GPC5: variants seen among roughly 807,000 people sequenced by gnomAD.
GPC5 encodes glypican-5.
In GPC5, 47 loss-of-function variants were observed where a neutral mutation model predicts 53.9. The ratio of observed to expected loss-of-function variants is 0.87; its 90% CI spans 0.69 to 1.11. The LOEUF is 1.11. Among genes scored for constraint, GPC5 ranks in the 50% most tolerant of loss-of-function variants. The pLI is 0.00. For synonymous variants in GPC5, 286 were observed against 263.3 expected, an observed-to-expected ratio of 1.09 and a Z score of -0.84; for missense variants, 748 against 713.1, an observed-to-expected ratio of 1.05 and a Z score of -0.56.
chr13:92,089,501 A>G (rs560316631), intron 6 of GPC5, among the ~76,000 whole-genome samples: 2 of 128,016 alleles, frequency 1.6e-5, no homozygotes, highest in South Asian at 4.9e-4. Flanking sequence ...TATTTCCCAC[A>G]CGGTTTTTTT....
intron 7 of GPC5, among the ~76,000 whole-genome samples, chr13:92,385,447 TATATACATATATACAC>T (rs1236099237): frequency 5.1e-5 from 6 of 118,100 alleles, no homozygotes; most frequent in African/African-American, 6.6e-5. Context: ...CATATATACA[TATATACATATATACAC>T]ATATATACAT....
At chr13:91,591,238 G>A (rs1414712) in intron 2 of GPC5, among the ~76,000 whole-genome samples, 3 of 152,124 alleles carry the variant, frequency 2.0e-5, no homozygotes, top group Admixed American at 6.5e-5. Flanking sequence ...GGTTATAAGT[G>A]CTACTCACCT....
At chr13:92,702,483 C>CA (rs1053287434) in intron 7 of GPC5, among the ~76,000 whole-genome samples, 88 of 152,044 alleles carry the variant, frequency 5.8e-4, no homozygotes, top group African/African-American at 1.9e-3. Context: ...ATATTCTGGC[C>CA]AAAAATCTTG....
rs775279047 is a variant in GPC5 at position 91,693,234 on chromosome 13, C to CT, written c.379dup (p.Cys127LeufsTer21). 10 of 1,614,026 alleles carry CT rather than the reference C, an allele frequency of 6.2e-6. No homozygotes were observed. The highest frequency in any genetic ancestry group is 8.5e-6 in the Non-Finnish European group (10 of 1,179,988). On this transcript the variant is annotated frameshift_variant, in exon 3 of 8. Transcript: ENST00000377067. LOFTEE classifies it high-confidence loss of function. ...ACAAGCAGAAAATTACACCAGTATA[C>CT]TTTTTTGCAGTACCTACAGGAACAT...
intron 7 of GPC5, among the ~76,000 whole-genome samples, chr13:92,845,514 G>A (rs1878584049): frequency 6.6e-6 from 1 of 152,116 alleles, no homozygotes; most frequent in Non-Finnish European, 1.5e-5. Context: ...CAGCCTTTTT[G>A]TTCTATTTAG....
intron 6 of GPC5, among the ~76,000 whole-genome samples, chr13:92,026,557 T>A (rs2040802673): frequency 6.6e-6 from 1 of 151,298 alleles, no homozygotes. Context: ...GCCATGCAAA[T>A]AATGAGGTCC....
At chr13:92,559,806 G>A (rs1358704442) in intron 7 of GPC5, among the ~76,000 whole-genome samples, 4 of 151,326 alleles carry the variant, frequency 2.6e-5, no homozygotes, top group Admixed American at 2.0e-4. Flanking sequence ...TCTCATGTCT[G>A]CTGCCTACAG....
chr13:92,350,365 T>C (rs2043465765), intron 7 of GPC5, among the ~76,000 whole-genome samples: 1 of 152,180 alleles, frequency 6.6e-6, no homozygotes, highest in South Asian at 2.1e-4. Flanking sequence ...TTCAACATAG[T>C]ATTGAAAGTC....
At chr13:92,546,787 C>T (rs1220456050) in intron 7 of GPC5, among the ~76,000 whole-genome samples, 1 of 152,100 alleles carries the variant, frequency 6.6e-6, no homozygotes, top group African/African-American at 2.4e-5. Flanking sequence ...GCTACAGTAA[C>T]CAAAACAGCA....
chr13:92,493,329 A>C lies in GPC5; in HGVS notation c.1561+348340A>C, dbSNP rs75525497. Among the ~76,000 whole-genome samples the C allele has an allele frequency of 8.5e-3, 1,298 of 152,348 alleles. 50 individuals are homozygous for C. The highest frequency in any genetic ancestry group is 0.032 in the East Asian group (165 of 5,190). On this transcript the variant is annotated intron_variant, in intron 7 of 7. Coordinates refer to ENST00000377067, the MANE Select transcript of GPC5 (RefSeq NM_004466.6). ...ATTAGAAGATATCACTTGTATGCAT[A>C]TCATTTTAAGAAATAACAGGGAGGG...
chr13:92,184,850 A>T (rs1408908554), intron 7 of GPC5, among the ~76,000 whole-genome samples: 1 of 152,184 alleles, frequency 6.6e-6, no homozygotes, highest in East Asian at 1.9e-4. Context: ...TAATTAAGGT[A>T]TTCAAAGACC....
At chr13:92,177,294 G>T (rs1412648257) in intron 7 of GPC5, among the ~76,000 whole-genome samples, 3 of 152,106 alleles carry the variant, frequency 2.0e-5, no homozygotes, top group Non-Finnish European at 4.4e-5. Flanking sequence ...CATCATATCT[G>T]CTGGGCTTCT....
At position 92,692,754 on chromosome 13, in the gene GPC5, ATTTTTT is replaced by A. The variant is rs71272284; in HGVS notation, c.1562-173511_1562-173506del. The stretch of plus-strand genomic sequence containing the variant: ...CTCCAAAGCCTCACCAATATCGGCT[ATTTTTT>A]TTTTTTTTTTTTTTTTACATTTTAC... On this transcript the variant is annotated intron_variant, in intron 7 of 7. Coordinates refer to ENST00000377067, the MANE Select transcript of GPC5 (RefSeq NM_004466.6). 1.1e-3 allele frequency among the ~76,000 whole-genome samples: 87 copies of A among 81,036 alleles called. 3 individuals carry two copies. The South Asian group carries it at 0.043, about 40-fold the overall frequency. 53.2% of individuals were successfully genotyped at this position (81,036 alleles called of 152,430 possible).
intron 7 of GPC5, among the ~76,000 whole-genome samples, chr13:92,382,250 A>T (rs946473327): frequency 1.3e-5 from 2 of 152,044 alleles, no homozygotes; most frequent in Non-Finnish European, 2.9e-5. Context: ...ATAAAAGACT[A>T]CAAATATGGT....
chr13:92,761,668 C>T (rs1383316038), intron 7 of GPC5, among the ~76,000 whole-genome samples: 1 of 152,122 alleles, frequency 6.6e-6, no homozygotes, highest in Admixed American at 6.6e-5. Context: ...AGTATTCATT[C>T]AACCACTCTA....
chr13:92,866,246 C>G (rs536486524), intron 7 of GPC5, 36 bp from the exon 8 acceptor site: 1 of 1,575,720 alleles, frequency 6.3e-7, no homozygotes. Flanking sequence ...GTGAAGTGGT[C>G]ATGCATCACC....
chr13:92,302,938 T>C (rs1304822490), intron 7 of GPC5, among the ~76,000 whole-genome samples: 1 of 152,224 alleles, frequency 6.6e-6, no homozygotes, highest in Admixed American at 6.5e-5. Flanking sequence ...GTCTCTATAC[T>C]CATTCTTATA....
At chr13:92,530,868 C>T (rs1432790362) in intron 7 of GPC5, among the ~76,000 whole-genome samples, 1 of 152,128 alleles carries the variant, frequency 6.6e-6, no homozygotes, top group East Asian at 1.9e-4. Context: ...ACATAAATGA[C>T]GATCTTCCTC....
At chr13:92,646,174 T>G (rs1272414324) in intron 7 of GPC5, among the ~76,000 whole-genome samples, 1 of 152,168 alleles carries the variant, frequency 6.6e-6, no homozygotes, top group African/African-American at 2.4e-5. Context: ...CATTCAGGCC[T>G]CTGATCTATT....
Sources: gnomAD v4.1 joint callset for allele counts (sites outside exome capture counted in the v4.1 genomes callset) on GRCh38, gnomAD v4.1.1 for gene constraint, MANE v1.5 for transcripts, NCBI Gene and HGNC (gene_info 2026-07-23, HGNC 2026-07-21) for gene names.